The following TNFRSF1B variants were observed in gnomAD, a reference collection of about 807,000 sequenced individuals.
The protein encoded by TNFRSF1B is tumor necrosis factor receptor superfamily member 1B.
In TNFRSF1B, 19 loss-of-function variants were observed where a neutral mutation model predicts 44.6. The ratio of observed to expected loss-of-function variants is 0.43; its 90% confidence interval spans 0.30 to 0.62. TNFRSF1B has a LOEUF of 0.62. Ranked by LOEUF, TNFRSF1B falls within the 20% of genes least tolerant of loss-of-function variation. The pLI, the probability that TNFRSF1B is intolerant of heterozygous loss-of-function variation, is 0.16. For missense variants in TNFRSF1B, 541 were observed against 619.9 expected, an observed-to-expected ratio of 0.87 and a Z score of 1.35; for synonymous variants, 252 against 261.1, an observed-to-expected ratio of 0.97 and a Z score of 0.34.
rs1273804373 is a variant in TNFRSF1B at position 12,169,814 on chromosome 1, C to CAGGG, written c.78+2646_78+2649dup. Reference sequence around the variant, plus strand: ...CTTGGTGCCCTCTGATGGGGATGAGCAGGGTCTGGGCTGTCTGGGGAGGAG... The same window carrying CAGGG: ...CTTGGTGCCCTCTGATGGGGATGAGCAGGGAGGGTCTGGGCTGTCTGGGGAGGAG... On this transcript the variant is annotated intron_variant, in intron 1 of 9. Transcript: ENST00000376259. The surrounding 1 kb of genome is among the most constrained non-coding windows in gnomAD (Gnocchi z 4.5). 6.6e-6 allele frequency among the ~76,000 whole-genome samples: 1 copy of CAGGG among 152,240 alleles called. No individual in the cohort carries two copies. The highest frequency in any genetic ancestry group is 1.9e-4 in the East Asian group (1 of 5,198).
rs754913078 is a variant in TNFRSF1B at position 12,206,981 on chromosome 1, G to A, written c.1347G>A (p.Leu449=). 3.1e-6 allele frequency: 5 copies of A among 1,601,728 alleles called. No individual in the cohort carries two copies. The highest frequency in any genetic ancestry group is 4.3e-6 in the Non-Finnish European group (5 of 1,170,618). Residue 449 remains leucine (L), a synonymous_variant, in exon 10 of 10, where the codon CTG becomes CTA. Coordinates refer to ENST00000376259, the MANE Select transcript of TNFRSF1B (RefSeq NM_001066.3). ...TGGGGAGCACCGAAGAGAAGCCCCT[G>A]CCCCTTGGAGTGCCTGATGCTGGGA... The part of the protein sequence containing the change: ...TLLGSTEEKP[L]PLGVPDAGMK...
chr1:12,198,405 G>C (rs769690403), intron 8 of TNFRSF1B, among the ~76,000 whole-genome samples: 4 of 152,092 alleles, frequency 2.6e-5, no homozygotes, highest in Admixed American at 2.0e-4. Context: ...CCTGGGACAC[G>C]AACCTAGGAG....
chr1:12,188,749 A>T, intron 1 of TNFRSF1B, 47 bp from the exon 2 acceptor site: 1 of 1,578,166 alleles, frequency 6.3e-7, no homozygotes, highest in Non-Finnish European at 8.7e-7. Flanking sequence ...GCATGGCAGA[A>T]CCCAGGGGCG....
rs1301782221 is a variant in TNFRSF1B, at chr1:12,199,899, G to T, written c.901-2068G>T. Among the ~76,000 whole-genome samples, 2 of 152,164 alleles carry T rather than the reference G, an allele frequency of 1.3e-5. No homozygotes were observed. The highest frequency in any genetic ancestry group is 2.9e-5 in the Non-Finnish European group (2 of 68,026). Reference sequence around the variant, plus strand: ...GGCCTGTGCCATCTCCTTTTTTGCTGGGATCAGAAAACAATCGCTTAGAAT... The same window carrying T: ...GGCCTGTGCCATCTCCTTTTTTGCTTGGATCAGAAAACAATCGCTTAGAAT... On this transcript the variant is annotated intron_variant, in intron 8 of 9. Transcript: ENST00000376259. This position sits in a 1 kb window ranked among gnomAD's most constrained non-coding sequence, Gnocchi z 4.0.
chr1:12,172,391 G>T (rs1638542452), intron 1 of TNFRSF1B, among the ~76,000 whole-genome samples: 1 of 152,260 alleles, frequency 6.6e-6, no homozygotes, highest in African/African-American at 2.4e-5. Flanking sequence ...TAAAATGGGA[G>T]TAATCCTAGC....
intron 1 of TNFRSF1B, among the ~76,000 whole-genome samples, chr1:12,183,035 C>T (rs1194076245): frequency 1.3e-5 from 2 of 152,348 alleles, no homozygotes; most frequent in East Asian, 3.9e-4. Flanking sequence ...GCTTTGTCTC[C>T]CTGAGCACCT....
Position 12,191,858 on chromosome 1 carries a change from A to T in TNFRSF1B, c.392A>T (p.Gln131Leu). The change falls in exon 4 of 10, where the codon CAG (glutamine) becomes CTG (leucine). Residue 131 changes from glutamine to leucine, a missense_variant. Coordinates refer to ENST00000376259, the MANE Select transcript of TNFRSF1B (RefSeq NM_001066.3). ...RPGWYCALSKQEGCRLCAPLR... is the reference protein window; with the variant it reads ...RPGWYCALSKLEGCRLCAPLR... ...GGCTGGTACTGCGCGCTGAGCAAGCAGGAGGGGTGCCGGCTGTGCGCGCCG... is the reference window on the plus strand; with the variant it reads ...GGCTGGTACTGCGCGCTGAGCAAGCTGGAGGGGTGCCGGCTGTGCGCGCCG... The T allele has an allele frequency of 6.2e-7, 1 of 1,612,462 alleles. No individual in the cohort carries two copies. Among genetic ancestry groups the T allele is most frequent in the South Asian group, 1.1e-5 (1 of 91,020 alleles).
At chr1:12,193,259 TG>T (rs753807073) in intron 6 of TNFRSF1B, 161 bp downstream of exon 6, 92 of 726,108 alleles carry the variant, frequency 1.3e-4, no homozygotes, top group Non-Finnish European at 1.9e-4. Context: ...TCCCCACACC[TG>T]GTGCTATCAT....
At chr1:12,195,584 GC>G (rs1204149177) in intron 8 of TNFRSF1B, among the ~76,000 whole-genome samples, 1 of 152,184 alleles carries the variant, frequency 6.6e-6, no homozygotes, top group East Asian at 1.9e-4. Context: ...CTTCCCAGAA[GC>G]CCTGGGTAGA....
intron 4 of TNFRSF1B, 121 bp from the exon 5 acceptor site, chr1:12,192,310 G>A (rs1557634777): frequency 2.6e-6 from 2 of 756,852 alleles, no homozygotes; most frequent in Admixed American, 2.0e-5. Flanking sequence ...GTGTGTGTAA[G>A]GGGTGGAGGT....
intron 1 of TNFRSF1B, among the ~76,000 whole-genome samples, chr1:12,181,938 G>A (rs1006674625): frequency 6.6e-6 from 1 of 152,188 alleles, no homozygotes; most frequent in Non-Finnish European, 1.5e-5. Context: ...ACCCAGGGCT[G>A]GTCCTTTTGC....
intron 1 of TNFRSF1B, among the ~76,000 whole-genome samples, chr1:12,167,784 G>C (rs5745954): frequency 0.037 from 5,637 of 152,242 alleles, 356 homozygotes; most frequent in African/African-American, 0.12. Context: ...CTACTGCAGA[G>C]TCTGTTTTCT....
chr1:12,202,251 C>T (rs1028282068), intron 9 of TNFRSF1B, 80 bp downstream of exon 9: 2 of 1,506,140 alleles, frequency 1.3e-6, no homozygotes, highest in African/African-American at 2.8e-5. Context: ...GCCATCTCCT[C>T]CTGAGCCTCC....
chr1:12,194,007 C>T lies in TNFRSF1B; in HGVS notation c.840C>T (p.Asn280=). The change falls in exon 7 of 10, where the codon AAC becomes AAT. Residue 280 remains asparagine, a synonymous_variant. Transcript: ENST00000376259. Reference sequence around the variant, plus strand: ...GTCTACTAATAATAGGAGTGGTGAACTGTGTCATCATGACCCAGGTGAAAA... The same window carrying T: ...GTCTACTAATAATAGGAGTGGTGAATTGTGTCATCATGACCCAGGTGAAAA... The part of the protein sequence containing the change: ...ALGLLIIGVV[N]CVIMTQVKKK... 2.5e-6 allele frequency: 4 copies of T among 1,614,034 alleles called. No homozygotes were observed. Among genetic ancestry groups the T allele is most frequent in the Non-Finnish European group, 3.4e-6 (4 of 1,179,926 alleles).
At chr1:12,196,010 A>C (rs1191005804) in intron 8 of TNFRSF1B, among the ~76,000 whole-genome samples, 3 of 152,168 alleles carry the variant, frequency 2.0e-5, no homozygotes, top group Non-Finnish European at 2.9e-5. Flanking sequence ...TATTTTTAAA[A>C]AGGATCTTGG....
In TNFRSF1B at chr1:12,199,461, G is replaced by A. The variant is rs946076514; in HGVS notation, c.901-2506G>A. 6.6e-6 allele frequency among the ~76,000 whole-genome samples: 1 copy of A among 152,254 alleles called. No homozygotes were observed. The highest frequency in any genetic ancestry group is 2.4e-5 in the African/African-American group (1 of 41,474). On this transcript the variant is annotated intron_variant, in intron 8 of 9. Transcript: ENST00000376259. This position sits in a 1 kb window ranked among gnomAD's most constrained non-coding sequence, Gnocchi z 4.0. ...ACCAGCTGTGTGATGCTGGGCACAG[G>A]ATGCACTTTCTCTGGGCCTCCGTGG...
At chr1:12,174,160 T>TTCTCCCTCTC (rs1638590812) in intron 1 of TNFRSF1B, among the ~76,000 whole-genome samples, 1 of 67,832 alleles carries the variant, frequency 1.5e-5, no homozygotes, top group Non-Finnish European at 3.0e-5. Context: ...TTCTTCTTCT[T>TTCTCCCTCTC]CTTCTCCTTC....
intron 2 of TNFRSF1B, among the ~76,000 whole-genome samples, chr1:12,190,422 G>C (rs1639085671): frequency 7.3e-6 from 1 of 137,816 alleles, no homozygotes; most frequent in South Asian, 2.4e-4. Flanking sequence ...TTGTGCCACT[G>C]CACTCTAGCC....
rs1012144317 is a variant in TNFRSF1B at position 12,186,019 on chromosome 1, C to T, written c.79-2777C>T. On this transcript the variant is annotated intron_variant, in intron 1 of 9. Transcript: ENST00000376259. The surrounding 1 kb of genome is among the most constrained non-coding windows in gnomAD (Gnocchi z 4.8). ...GCCTGAGCAGGGCTCTTAAGGGACA[C>T]GTGGAATTTGTTACAGGAAGCACCA... Among the ~76,000 whole-genome samples, 2 of 152,120 alleles carry T rather than the reference C, an allele frequency of 1.3e-5. No homozygotes were observed. The highest frequency in any genetic ancestry group is 1.5e-5 in the Non-Finnish European group (1 of 68,010).
Sources: gnomAD v4.1 joint callset for allele counts (sites outside exome capture counted in the v4.1 genomes callset) on GRCh38, gnomAD v4.1.1 for gene constraint, Gnocchi (gnomAD v3.1) non-coding constraint, MANE v1.5 for transcripts, NCBI Gene and HGNC (gene_info 2026-07-23, HGNC 2026-07-21) for gene names.